ANO2: variants seen among roughly 807,000 people sequenced by gnomAD.
ANO2 encodes the protein anoctamin 2.
In ANO2, 101 loss-of-function variants were observed where a neutral mutation model predicts 124.2. The ratio of observed to expected loss-of-function variants is 0.81; its 90% confidence interval spans 0.69 to 0.96. The LOEUF (loss-of-function observed/expected upper bound fraction) is 0.96, where lower values mean the gene tolerates loss of function less well. Ranked by LOEUF, ANO2 falls within the 40% of genes least tolerant of loss-of-function variation. The probability of loss-of-function intolerance (pLI) is 0.00; values close to 1 mark genes in which losing one functional copy is unlikely to be tolerated. For missense variants in ANO2, 1,293 were observed against 1,274.5 expected (o/e 1.01, Z -0.22); for synonymous variants, 486 against 482.5 (o/e 1.01, Z -0.09).
In ANO2 at chr12:5,769,602, T is replaced by C. The variant is rs1399751066; in HGVS notation, c.1056-18632A>G. On this transcript the variant is annotated intron_variant, in intron 10 of 24. Coordinates refer to ENST00000682330, the MANE Select transcript of ANO2 (RefSeq NM_001364791.2). This position sits in a 1 kb window ranked among gnomAD's most constrained non-coding sequence, Gnocchi z 4.0. Reference sequence around the variant, plus strand: ...GGTAAAGGCAAGTCCTGATTCCAGGTCTCCCTACCTACCTGTACATTCCTA... The same window carrying C: ...GGTAAAGGCAAGTCCTGATTCCAGGCCTCCCTACCTACCTGTACATTCCTA... Among the ~76,000 whole-genome samples the C allele has an allele frequency of 2.6e-5, 4 of 152,090 alleles. No homozygotes were observed. Among genetic ancestry groups the C allele is most frequent in the Non-Finnish European group, 1.5e-5 (1 of 68,010 alleles).
chr12:5,686,392 C>A (rs1419607509), intron 14 of ANO2, among the ~76,000 whole-genome samples: 1 of 152,114 alleles, frequency 6.6e-6, no homozygotes, highest in Non-Finnish European at 1.5e-5. Flanking sequence ...CTTTCCCTCC[C>A]AAATATTTAT....
rs1170731374 is a variant in ANO2, at chr12:5,635,724, G to GGTTT, written c.1621-378_1621-377insAAAC. On this transcript the variant is annotated intron_variant, in intron 15 of 24. Transcript: ENST00000682330. This position sits in a 1 kb window ranked among gnomAD's most constrained non-coding sequence, Gnocchi z 5.2. ...TTTTGATCTTCTAAAGAGATAACAT[G>GGTTT]AACTCCTTTTAAATAAACCATAGTA... Among the ~76,000 whole-genome samples the GGTTT allele has an allele frequency of 2.0e-5, 3 of 151,986 alleles. No individual in the cohort carries two copies. The highest frequency in any genetic ancestry group is 4.4e-5 in the Non-Finnish European group (3 of 68,008).
At chr12:5,660,101 A>AT in intron 14 of ANO2, among the ~76,000 whole-genome samples, 1 of 151,708 alleles carries the variant, frequency 6.6e-6, no homozygotes, top group Non-Finnish European at 1.5e-5. Flanking sequence ...TCGACTTACA[A>AT]TTTTTCGACT....
At chr12:5,827,040 G>A (rs763099207) in intron 7 of ANO2, among the ~76,000 whole-genome samples, 1 of 152,140 alleles carries the variant, frequency 6.6e-6, no homozygotes, top group Non-Finnish European at 1.5e-5. Context: ...CTGTGCAAAA[G>A]GTGTTTGTGC....
chr12:5,921,426 G>A, intron 2 of ANO2, 60 bp from the exon 3 acceptor site: 1 of 1,522,746 alleles, frequency 6.6e-7, no homozygotes, highest in Non-Finnish European at 9.0e-7. Context: ...GAGAAACAGA[G>A]GAGGCTGATC....
Position 5,922,611 on chromosome 12 carries a change from AGT to A in ANO2, c.207+7_207+8del. The A allele has an allele frequency of 6.0e-6, 4 of 668,692 alleles. No homozygotes were observed. Among genetic ancestry groups the A allele is most frequent in the East Asian group, 5.7e-5 (1 of 17,566 alleles). 41.4% of individuals were successfully genotyped at this position (668,692 alleles called of 1,614,324 possible). ...CTATCCCCCCACCCCACCCCCGCCC[AGT>A]ACTCACAGAGCTGCTGCGGGTGCTC... On this transcript the variant is annotated splice_region_variant and intron_variant, in intron 2 of 24. Coordinates refer to ENST00000682330, the MANE Select transcript of ANO2 (RefSeq NM_001364791.2).
Position 5,921,099 on chromosome 12 carries a change from G to A in ANO2, c.475C>T (p.Arg159Trp), listed in dbSNP as rs768378233. The change falls in exon 3 of 25, where the codon CGG becomes TGG. Residue 159 changes from arginine to tryptophan, a missense_variant. Physicochemically the swap from Arg to Trp is moderately radical, Grantham distance 101. Coordinates refer to ENST00000682330, the MANE Select transcript of ANO2 (RefSeq NM_001364791.2). The stretch of plus-strand genomic sequence containing the variant: ...ATCAGATTGTGCTCAAATTCCTCCC[G>A]CTGCTCCTTCCTCTCCTCCTCCAGG... ...DALEEERKEQREEFEHNLMEA... is the reference protein window; with the variant it reads ...DALEEERKEQWEEFEHNLMEA... 2.1e-5 allele frequency: 34 copies of A among 1,613,642 alleles called. No homozygotes were observed. Among genetic ancestry groups the A allele is most frequent in the South Asian group, 6.6e-5 (6 of 91,068 alleles).
chr12:5,718,823 T>C (rs957592310), intron 14 of ANO2, among the ~76,000 whole-genome samples: 2 of 152,214 alleles, frequency 1.3e-5, no homozygotes, highest in African/African-American at 4.8e-5. Context: ...TAACTCTTCA[T>C]ACTTCCATTA....
intron 3 of ANO2, among the ~76,000 whole-genome samples, chr12:5,873,196 GCT>G (rs57038931): frequency 0.031 from 3,709 of 118,664 alleles, 64 homozygotes; most frequent in African/African-American, 0.037. Flanking sequence ...GCCTAAAGCA[GCT>G]CTCTCTCTCT....
chr12:5,796,593 C>T (rs140523397), intron 10 of ANO2, among the ~76,000 whole-genome samples: 1 of 152,132 alleles, frequency 6.6e-6, no homozygotes, highest in Admixed American at 6.5e-5. Context: ...GCCTGCAGGC[C>T]CCAGGTCTCC....
chr12:5,923,492 A>G (rs1451327425), intron 1 of ANO2, among the ~76,000 whole-genome samples: 4 of 152,048 alleles, frequency 2.6e-5, no homozygotes, highest in Non-Finnish European at 5.9e-5. Context: ...GCCAGCCCCC[A>G]CCTCCCTCGG....
intron 14 of ANO2, among the ~76,000 whole-genome samples, chr12:5,692,004 G>T (rs1948965220): frequency 1.3e-5 from 2 of 152,256 alleles, no homozygotes; most frequent in South Asian, 4.2e-4. Context: ...GGGCTATAAT[G>T]GGGAAAGTCT....
chr12:5,943,410 G>T (rs1164926446), intron 1 of ANO2, among the ~76,000 whole-genome samples: 1 of 152,004 alleles, frequency 6.6e-6, no homozygotes, highest in Non-Finnish European at 1.5e-5. Context: ...ACTCAGGAAT[G>T]GGTAACTAAA....
intron 4 of ANO2, among the ~76,000 whole-genome samples, chr12:5,841,957 C>A (rs552414208): frequency 9.9e-5 from 15 of 152,272 alleles, no homozygotes; most frequent in African/African-American, 2.9e-4. Flanking sequence ...GCAGCCTCAA[C>A]CTCCTGGGCT....
rs368532367 is a variant in ANO2, at chr12:5,788,886, C to T, written c.1055+10621G>A. On this transcript the variant is annotated intron_variant, in intron 10 of 24. Coordinates refer to ENST00000682330, the MANE Select transcript of ANO2 (RefSeq NM_001364791.2). Reference sequence around the variant, plus strand: ...AATTACATATTTCTTAAATCTCTTTCCTAAAACATCAAGTCTTTGTCCCAC... The same window carrying T: ...AATTACATATTTCTTAAATCTCTTTTCTAAAACATCAAGTCTTTGTCCCAC... Among the ~76,000 whole-genome samples the T allele has an allele frequency of 4.1e-4, 62 of 152,322 alleles. No individual in the cohort carries two copies. In the South Asian group the frequency reaches 0.012, roughly 30 times the overall value.
intron 16 of ANO2, among the ~76,000 whole-genome samples, chr12:5,620,771 C>A (rs1945080306): frequency 6.6e-6 from 1 of 152,010 alleles, no homozygotes; most frequent in South Asian, 2.1e-4. Flanking sequence ...AGATAAAAGA[C>A]CTGGGTGATC....
chr12:5,739,984 C>A (rs529674016), intron 12 of ANO2: 74 of 455,902 alleles, frequency 1.6e-4, no homozygotes, highest in Non-Finnish European at 2.8e-4. Flanking sequence ...AGTATGCATT[C>A]ATTCTTCCAT....
At chr12:5,868,277 TGAA>T (rs1955484046) in intron 3 of ANO2, among the ~76,000 whole-genome samples, 1 of 152,116 alleles carries the variant, frequency 6.6e-6, no homozygotes, top group Admixed American at 6.5e-5. Context: ...GGCCAGGGGA[TGAA>T]GGTCATGTGG....
chr12:5,810,748 G>C (rs540241949), intron 7 of ANO2, among the ~76,000 whole-genome samples: 1 of 152,130 alleles, frequency 6.6e-6, no homozygotes, highest in East Asian at 1.9e-4. Flanking sequence ...CAAATCACCA[G>C]GTACTTCATG....
Sources: allele counts gnomAD v4.1 joint callset (sites outside exome capture counted in the v4.1 genomes callset), GRCh38; gene constraint gnomAD v4.1.1; non-coding constraint Gnocchi (gnomAD v3.1); transcripts MANE v1.5; gene names NCBI Gene and HGNC (gene_info 2026-07-23, HGNC 2026-07-21).